Variants in DCC observed in about 807,000 individuals in gnomAD.
DCC encodes the protein netrin receptor DCC.
In DCC, 58 loss-of-function variants were observed where a neutral mutation model predicts 172.5. The observed-to-expected ratio is 0.34, with a 90% CI of 0.27 to 0.42. DCC has a LOEUF of 0.42. DCC is among the 10% of genes least tolerant of loss of function. DCC has a pLI of 1.00. For synonymous variants in DCC, 709 were observed against 644.5 expected, an observed-to-expected ratio of 1.10 and a Z score of -1.52; for missense variants, 1,740 against 1,791.0, an observed-to-expected ratio of 0.97 and a Z score of 0.51.
chr18:53,258,489 C>G (rs2056551995), intron 12 of DCC, among the ~76,000 whole-genome samples: 3 of 152,040 alleles, frequency 2.0e-5, no homozygotes, highest in African/African-American at 7.3e-5. Flanking sequence ...CATTCAGGAG[C>G]AGGTTGTTCA....
chr18:52,638,233 C>G (rs1224674702), intron 1 of DCC, among the ~76,000 whole-genome samples: 1 of 151,820 alleles, frequency 6.6e-6, no homozygotes, highest in African/African-American at 2.4e-5. Context: ...ATAAATCACA[C>G]AGGACCTATA....
intron 1 of DCC, among the ~76,000 whole-genome samples, chr18:52,503,390 C>A (rs545986290): frequency 6.6e-6 from 1 of 152,070 alleles, no homozygotes; most frequent in Admixed American, 6.6e-5. Flanking sequence ...GAAGCCCAAG[C>A]AAAGTAGTCT....
At chr18:53,090,251 C>G (rs1271841987) in intron 7 of DCC, among the ~76,000 whole-genome samples, 3 of 152,082 alleles carry the variant, frequency 2.0e-5, no homozygotes, top group African/African-American at 7.2e-5. Context: ...AAATAGTTAT[C>G]TACATTAAGT....
intron 2 of DCC, among the ~76,000 whole-genome samples, chr18:52,821,943 C>A (rs914356993): frequency 1.3e-5 from 2 of 152,158 alleles, no homozygotes; most frequent in Admixed American, 1.3e-4. Flanking sequence ...CATAATTTAT[C>A]AATAAGACAA....
intron 2 of DCC, among the ~76,000 whole-genome samples, chr18:52,788,282 C>T (rs1288215131): frequency 1.3e-5 from 2 of 152,168 alleles, no homozygotes; most frequent in Non-Finnish European, 2.9e-5. Flanking sequence ...ATTTCAAACA[C>T]ATGTTGCACT....
At chr18:53,090,090 G>C (rs777526164) in intron 7 of DCC, among the ~76,000 whole-genome samples, 1 of 152,068 alleles carries the variant, frequency 6.6e-6, no homozygotes, top group Non-Finnish European at 1.5e-5. Flanking sequence ...GTGTCTACTA[G>C]TTGCTAAAAT....
At chr18:53,244,088 C>A (rs969845784) in intron 12 of DCC, among the ~76,000 whole-genome samples, 3 of 152,072 alleles carry the variant, frequency 2.0e-5, no homozygotes, top group African/African-American at 7.2e-5. Context: ...GCAGATGTAA[C>A]CAGATGTGAC....
At chr18:52,508,506 C>G (rs2031318279) in intron 1 of DCC, among the ~76,000 whole-genome samples, 1 of 152,038 alleles carries the variant, frequency 6.6e-6, no homozygotes, top group Admixed American at 6.5e-5. Flanking sequence ...TATCACTGAG[C>G]CACATAAAAG....
chr18:52,670,688 A>G (rs1181482900), intron 1 of DCC, among the ~76,000 whole-genome samples: 4 of 152,130 alleles, frequency 2.6e-5, no homozygotes, highest in African/African-American at 7.2e-5. Flanking sequence ...AAAAATATAA[A>G]AATTAGCCAG....
At chr18:53,263,090 T>TA (rs1212255988) in intron 12 of DCC, among the ~76,000 whole-genome samples, 1 of 152,212 alleles carries the variant, frequency 6.6e-6, no homozygotes, top group East Asian at 1.9e-4. Context: ...ATGTAAATGT[T>TA]AAAAAATCAT....
chr18:52,761,872 G>A lies in DCC; in HGVS notation c.412+9498G>A, dbSNP rs139245689. 7.5e-3 allele frequency among the ~76,000 whole-genome samples: 1,060 copies of A among 141,976 alleles called. 14 individuals carry two copies. Among genetic ancestry groups the A allele is most frequent in the African/African-American group, 0.027 (1,002 of 36,744 alleles). The allele number at this position is 141,976 out of a possible 152,430, so 93.1% of individuals were successfully genotyped here. ...TGCAGTGAGCCGAGATAGCGCCACT[G>A]CAGTCTGGCCTGGGTGAAAGAGTGA... On this transcript the variant is annotated intron_variant, in intron 2 of 28. Coordinates refer to ENST00000442544, the MANE Select transcript of DCC (RefSeq NM_005215.4).
At chr18:53,432,746 T>C (rs1055869475) in intron 21 of DCC, among the ~76,000 whole-genome samples, 113 of 151,942 alleles carry the variant, frequency 7.4e-4, no homozygotes, top group African/African-American at 2.6e-3. Context: ...TTATCATTAT[T>C]ATTATTATTA....
intron 1 of DCC, among the ~76,000 whole-genome samples, chr18:52,640,319 T>G (rs1426086005): frequency 6.6e-6 from 1 of 152,154 alleles, no homozygotes; most frequent in Admixed American, 6.6e-5. Flanking sequence ...ATACCCACTC[T>G]CATGACCCCT....
At chr18:53,085,570 T>G (rs1320805133) in intron 7 of DCC, among the ~76,000 whole-genome samples, 1 of 152,152 alleles carries the variant, frequency 6.6e-6, no homozygotes, top group Non-Finnish European at 1.5e-5. Flanking sequence ...TATAATGGAT[T>G]TCCTGAATTG....
intron 15 of DCC, among the ~76,000 whole-genome samples, chr18:53,376,012 C>T (rs776158241): frequency 6.6e-6 from 1 of 152,128 alleles, no homozygotes; most frequent in Non-Finnish European, 1.5e-5. Context: ...GCAACTGGAC[C>T]TCAGCCTTGC....
chr18:53,412,859 A>G (rs1910066968), intron 20 of DCC, among the ~76,000 whole-genome samples: 1 of 152,196 alleles, frequency 6.6e-6, no homozygotes, highest in Non-Finnish European at 1.5e-5. Flanking sequence ...TTGTAATTAG[A>G]AAGGGATTAT....
intron 5 of DCC, among the ~76,000 whole-genome samples, chr18:52,969,682 G>T (rs751578548): frequency 7.0e-6 from 1 of 143,526 alleles, no homozygotes; most frequent in Non-Finnish European, 1.5e-5. Context: ...ACATTCTAAA[G>T]CTTCTAATTT....
chr18:53,093,546 C>T (rs2043043342), intron 7 of DCC, among the ~76,000 whole-genome samples: 1 of 152,148 alleles, frequency 6.6e-6, no homozygotes, highest in Non-Finnish European at 1.5e-5. Context: ...GTTAGGCATG[C>T]TAATGGGATA....
In DCC at chr18:53,056,714, A is replaced by T. The variant is rs7505147; in HGVS notation, c.986-6591A>T. ...ATGAAGTCCAAAGGCACATGGCTCC[A>T]GGGAAACTAGCTGGCTTTCCACTGT... On this transcript the variant is annotated intron_variant, in intron 5 of 28. Transcript: ENST00000442544. Among the ~76,000 whole-genome samples the T allele has an allele frequency of 6.6e-3, 1,010 of 151,966 alleles. 20 individuals are homozygous for T. Among genetic ancestry groups the T allele is most frequent in the East Asian group, 0.064 (331 of 5,132 alleles).
Sources: allele counts gnomAD v4.1 joint callset (sites outside exome capture counted in the v4.1 genomes callset), GRCh38; gene constraint gnomAD v4.1.1; transcripts MANE v1.5; gene names NCBI Gene and HGNC (gene_info 2026-07-23, HGNC 2026-07-21).